TSPAN4: variants seen among roughly 807,000 people sequenced by gnomAD.
TSPAN4 encodes the protein tetraspanin-4.
A neutral mutation model predicts 31.5 loss-of-function variants in TSPAN4; 38 were observed. The observed-to-expected ratio is 1.21, with a 90% CI of 0.93 to 1.58. The LOEUF (loss-of-function observed/expected upper bound fraction) is 1.58. Among genes scored for constraint, TSPAN4 ranks in the 40% most tolerant of loss-of-function variants. The pLI is 0.00. For synonymous variants in TSPAN4, 186 were observed against 144.6 expected, an observed-to-expected ratio of 1.29 and a Z score of -2.06; for missense variants, 330 against 317.3, an observed-to-expected ratio of 1.04 and a Z score of -0.30.
chr11:863,303 C>T (rs1848578658), intron 4 of TSPAN4: 1 of 152,320 alleles, frequency 6.6e-6, no homozygotes, highest in African/African-American at 2.4e-5. Context: ...GAAACACAGG[C>T]TTGCTACTGA....
intron 3 of TSPAN4, among the ~76,000 whole-genome samples, chr11:851,654 G>A (rs1847738455): frequency 6.6e-6 from 1 of 151,210 alleles, no homozygotes; most frequent in Non-Finnish European, 1.5e-5. Context: ...GAGGGGTGAG[G>A]CCCAGGCCTG....
Position 866,084 on chromosome 11 carries a change from G to T in TSPAN4, c.648+83G>T. On this transcript the variant is annotated intron_variant, in intron 8 of 8. Transcript: ENST00000397397. ...CAGGGAACAAAGTAGCAAAGACCTT[G>T]CCCCCAGGAACCCACGATCGGGGGA... 7.4e-6 allele frequency: 11 copies of T among 1,478,824 alleles called. 1 individual carries two copies. The South Asian group carries it at 9.4e-5, about 13-fold the overall frequency. 91.6% of individuals were successfully genotyped at this position (1,478,824 alleles called of 1,614,324 possible).
intron 3 of TSPAN4, 46 bp downstream of exon 3, chr11:850,413 C>A (rs1192223337): frequency 6.5e-7 from 1 of 1,546,710 alleles, no homozygotes; most frequent in South Asian, 1.1e-5. Flanking sequence ...ACCCGGGGTC[C>A]CTCCCGCGGC....
chr11:866,733 G>T lies in TSPAN4; in HGVS notation c.*103G>T. ...CAGCCTCGGTGCTCTGCCCCATGCTGGGAGGAGGGAGGGAGGGACAGGTGC... is the reference window on the plus strand; with the variant it reads ...CAGCCTCGGTGCTCTGCCCCATGCTTGGAGGAGGGAGGGAGGGACAGGTGC... On this transcript the variant is annotated 3_prime_UTR_variant, in exon 9 of 9. Coordinates refer to ENST00000397397, the MANE Select transcript of TSPAN4 (RefSeq NM_003271.5). 8.6e-7 allele frequency: 1 copy of T among 1,161,712 alleles called. No homozygotes were observed. Among genetic ancestry groups the T allele is most frequent in the Non-Finnish European group, 1.2e-6 (1 of 840,680 alleles). The allele number at this position is 1,161,712 out of a possible 1,614,324, so 72.0% of individuals were successfully genotyped here. A position where few individuals can be genotyped will look rare whatever the true frequency, so the allele number is the denominator to read the frequency against.
At chr11:851,884 G>A (rs954097238) in intron 3 of TSPAN4, among the ~76,000 whole-genome samples, 1 of 152,092 alleles carries the variant, frequency 6.6e-6, no homozygotes, top group South Asian at 2.1e-4. Context: ...CCTGTCCTCC[G>A]TGGCCTGGAC....
rs571451518 is a variant in TSPAN4 at position 864,505 on chromosome 11, G to A, written c.324G>A (p.Thr108=). The A allele has an allele frequency of 2.7e-5, 43 of 1,612,484 alleles. No homozygotes were observed. Among genetic ancestry groups the A allele is most frequent in the Middle Eastern group, 1.6e-4 (1 of 6,062 alleles). ...TCGCCATCCTCTTCTTCGCCTACAC[G>A]GACAAGGTACGGCTGCCTTGGCCGC... ...ATIAILFFAY[T]DKIDRYAQQD... is the part of the protein sequence containing the mutation. Residue 108 remains threonine, a synonymous_variant, in exon 5 of 9, where the codon ACG becomes ACA. Transcript: ENST00000397397.
chr11:860,182 C>T (rs1302509950), intron 3 of TSPAN4, among the ~76,000 whole-genome samples: 1 of 152,234 alleles, frequency 6.6e-6, no homozygotes, highest in Non-Finnish European at 1.5e-5. Flanking sequence ...CCTGCCTTCT[C>T]CCCAGGATGG....
chr11:850,499 G>T, intron 3 of TSPAN4, 132 bp downstream of exon 3: 1 of 765,236 alleles, frequency 1.3e-6, no homozygotes. Context: ...GGTCCCGGGA[G>T]GACCCAAGAC....
chr11:865,194 C>T (rs1848701492), intron 5 of TSPAN4: 1 of 353,070 alleles, frequency 2.8e-6, no homozygotes, highest in Non-Finnish European at 5.3e-6. Context: ...GCTCAGCGCT[C>T]ATAGCCCCTG....
chr11:850,412 C>T, intron 3 of TSPAN4, 45 bp downstream of exon 3: 1 of 1,551,934 alleles, frequency 6.4e-7, no homozygotes, highest in Non-Finnish European at 8.7e-7. Flanking sequence ...GACCCGGGGT[C>T]CCTCCCGCGG....
chr11:865,991 C>T lies in TSPAN4; in HGVS notation c.638C>T (p.Ala213Val), dbSNP rs201418035. The change falls in exon 8 of 9, where the codon GCG becomes GTG. Residue 213 changes from alanine (A) to valine (V), a missense_variant. Physicochemically the swap from Ala to Val is moderately conservative, Grantham distance 64. Transcript: ENST00000397397. Reference protein sequence around the residue: ...LAVGIFGLCTALVQILGLTFA... With the variant: ...LAVGIFGLCTVLVQILGLTFA... ...GTGGGCATCTTTGGGCTGTGCACGGCGCTGGTGCAGGTATGGCCTGGGGGC... is the reference window on the plus strand; with the variant it reads ...GTGGGCATCTTTGGGCTGTGCACGGTGCTGGTGCAGGTATGGCCTGGGGGC... The T allele has an allele frequency of 4.6e-5, 74 of 1,612,056 alleles. No homozygotes were observed. The East Asian group carries it at 1.2e-3, about 27-fold the overall frequency.
chr11:849,206 G>A (rs756641964), intron 2 of TSPAN4, among the ~76,000 whole-genome samples: 2 of 151,946 alleles, frequency 1.3e-5, no homozygotes, highest in African/African-American at 4.8e-5. Flanking sequence ...CCTCCTGCGG[G>A]GCTGCCTGGT....
chr11:861,769 A>T (rs1848472216), intron 3 of TSPAN4, among the ~76,000 whole-genome samples: 1 of 151,790 alleles, frequency 6.6e-6, no homozygotes, highest in African/African-American at 2.4e-5. Context: ...AATACAAAAA[A>T]TTAACCGGGT....
Position 866,852 on chromosome 11 carries a change from T to C in TSPAN4, c.*222T>C. 1 of 526,210 alleles carries C rather than the reference T, an allele frequency of 1.9e-6. No individual in the cohort carries two copies. The highest frequency in any genetic ancestry group is 3.4e-6 in the Non-Finnish European group (1 of 297,190). The allele number at this position is 526,210 out of a possible 1,614,324, so 32.6% of individuals were successfully genotyped here. A position where few individuals can be genotyped will look rare whatever the true frequency, so the allele number is the denominator to read the frequency against. On this transcript the variant is annotated 3_prime_UTR_variant, in exon 9 of 9. Transcript: ENST00000397397. ...CTGGGAGGGGTGGCCACGTGCTGGC[T>C]GCGGAACCCAGGGCAGGGGTGGGAG... is the stretch of plus-strand genomic sequence containing the variant.
intron 3 of TSPAN4, among the ~76,000 whole-genome samples, chr11:851,677 G>C (rs538568797): frequency 1.1e-4 from 16 of 152,168 alleles, no homozygotes; most frequent in African/African-American, 3.4e-4. Context: ...GGGCGCCTTG[G>C]AGGTAGGGGT....
rs569503845 is a variant in TSPAN4 at position 862,385 on chromosome 11, G to A, written c.64-165G>A. 4 of 624,278 alleles carry A rather than the reference G, an allele frequency of 6.4e-6. No homozygotes were observed. The African/African-American group carries it at 7.5e-5, about 12-fold the overall frequency. The allele number at this position is 624,278 out of a possible 1,614,324, so 38.7% of individuals were successfully genotyped here. On this transcript the variant is annotated intron_variant, in intron 3 of 8. Transcript: ENST00000397397. ...GTGTCGGGAAAGACTGGCCTGCCCTGGACACCCCCCCGGGCTGCCGTGGGA... is the reference window on the plus strand; with the variant it reads ...GTGTCGGGAAAGACTGGCCTGCCCTAGACACCCCCCCGGGCTGCCGTGGGA...
At chr11:862,864 T>C in intron 4 of TSPAN4, 123 bp downstream of exon 4, 1 of 1,092,280 alleles carries the variant, frequency 9.2e-7, no homozygotes, top group Non-Finnish European at 1.3e-6. Context: ...GGGCCGGACC[T>C]CCAGGCTGGC....
chr11:846,512 G>A (rs975478154), intron 1 of TSPAN4, among the ~76,000 whole-genome samples: 3 of 152,190 alleles, frequency 2.0e-5, no homozygotes, highest in African/African-American at 4.8e-5. Context: ...GAGGTGTTGC[G>A]GGGTTGAGCC....
intron 2 of TSPAN4, among the ~76,000 whole-genome samples, chr11:849,498 G>T (rs1285803010): frequency 6.6e-6 from 1 of 152,174 alleles, no homozygotes; most frequent in Admixed American, 6.5e-5. Context: ...GTCCGGGCGA[G>T]GTACCGTGGG....
Sources: allele counts gnomAD v4.1 joint callset (sites outside exome capture counted in the v4.1 genomes callset), GRCh38; gene constraint gnomAD v4.1.1; transcripts MANE v1.5; gene names NCBI Gene and HGNC (gene_info 2026-07-23, HGNC 2026-07-21).